The following DBNDD1 variants were observed in gnomAD, a reference collection of about 807,000 sequenced individuals.
DBNDD1 encodes dysbindin domain containing 1.
In DBNDD1, 14 loss-of-function variants were observed where a neutral mutation model predicts 17.0. The ratio of observed to expected loss-of-function variants is 0.82; its 90% CI spans 0.54 to 1.29. The LOEUF (loss-of-function observed/expected upper bound fraction) is 1.29. DBNDD1 is among the 50% of genes most tolerant of loss of function. The probability of loss-of-function intolerance (pLI) is 0.00; values close to 1 mark genes in which losing one functional copy is unlikely to be tolerated. For synonymous variants in DBNDD1, 105 were observed against 102.0 expected, an observed-to-expected ratio of 1.03 and a Z score of -0.18; for missense variants, 221 against 216.2, an observed-to-expected ratio of 1.02 and a Z score of -0.14.
At chr16:90,017,958 G>A (rs2035673073) in intron 1 of DBNDD1, among the ~76,000 whole-genome samples, 1 of 152,216 alleles carries the variant, frequency 6.6e-6, no homozygotes, top group Non-Finnish European at 1.5e-5. Flanking sequence ...AACTGAACCT[G>A]CTTTCTCTGC....
intron 1 of DBNDD1, chr16:90,009,790 C>T (rs1489683920): frequency 1.9e-5 from 14 of 736,152 alleles, no homozygotes; most frequent in East Asian, 5.5e-5. Context: ...ATTTCTAGCT[C>T]GGCCCAGGGT....
intron 1 of DBNDD1, 28 bp from the exon 2 acceptor site, chr16:90,009,458 G>C (rs2035510009): frequency 1.9e-6 from 3 of 1,605,264 alleles, no homozygotes; most frequent in Admixed American, 1.7e-5. Context: ...GTGTCACCTT[G>C]AGATCCACAG....
intron 1 of DBNDD1, 62 bp from the exon 2 acceptor site, chr16:90,009,492 C>T (rs779516567): frequency 6.3e-6 from 10 of 1,593,046 alleles, no homozygotes; most frequent in South Asian, 2.2e-5. Flanking sequence ...CCCCAGGACG[C>T]GGGGCTGGGT....
At chr16:90,010,541 T>A (rs1378995730) in intron 1 of DBNDD1, among the ~76,000 whole-genome samples, 1 of 150,230 alleles carries the variant, frequency 6.7e-6, no homozygotes, top group Non-Finnish European at 1.5e-5. Flanking sequence ...CTAATTTTTT[T>A]TTTTTTTTTT....
intron 3 of DBNDD1, 29 bp downstream of exon 3, chr16:90,008,755 T>TCCCAG (rs746127890): frequency 1.3e-5 from 20 of 1,580,904 alleles, no homozygotes; most frequent in Non-Finnish European, 1.7e-5. Context: ...CAGGCACACC[T>TCCCAG]CCCAGCCCAG....
intron 1 of DBNDD1, among the ~76,000 whole-genome samples, chr16:90,014,164 G>A (rs1469192933): frequency 6.6e-6 from 1 of 150,796 alleles, no homozygotes; most frequent in Non-Finnish European, 1.5e-5. Context: ...GTCTCGCTCT[G>A]TCACCAGGCT....
At chr16:90,018,893 G>C (rs2035703428) in intron 1 of DBNDD1, among the ~76,000 whole-genome samples, 1 of 152,186 alleles carries the variant, frequency 6.6e-6, no homozygotes, top group Admixed American at 6.5e-5. Context: ...CGGGACTCGC[G>C]GCTGGGCGAA....
At position 90,019,443 on chromosome 16, in the gene DBNDD1, C is replaced by G. The variant is rs1208178838; in HGVS notation, c.-102G>C. Reference sequence around the variant, plus strand: ...GACTCGGCCCCGGCTCCGGGCGCAGCGCATCGGGGCAGCAACCGGGGGGCC... The same window carrying G: ...GACTCGGCCCCGGCTCCGGGCGCAGGGCATCGGGGCAGCAACCGGGGGGCC... On this transcript the variant is annotated 5_prime_UTR_variant, in exon 1 of 4. Transcript: ENST00000002501. The surrounding 1 kb of genome is among the most constrained non-coding windows in gnomAD (Gnocchi z 6.1). 1 of 636,444 alleles carries G rather than the reference C, an allele frequency of 1.6e-6. No individual in the cohort carries two copies. The highest frequency in any genetic ancestry group is 2.1e-6 in the Non-Finnish European group (1 of 480,802). The allele number at this position is 636,444 out of a possible 1,614,324, so 39.4% of individuals were successfully genotyped here.
intron 1 of DBNDD1, among the ~76,000 whole-genome samples, chr16:90,010,940 C>CT (rs1471446159): frequency 1.3e-5 from 2 of 152,242 alleles, no homozygotes; most frequent in African/African-American, 4.8e-5. Context: ...TTCCTTCCCC[C>CT]CACCCATTGC....
Position 90,009,081 on chromosome 16 carries a change from GC to G in DBNDD1, c.179-158del, listed in dbSNP as rs2035499563. ...ACACCGGCAGGATCTGATGAGTGTT[GC>G]GTATACTCATGACTAGAAGGCTTTC... On this transcript the variant is annotated intron_variant, in intron 2 of 3. Coordinates refer to ENST00000002501, the MANE Select transcript of DBNDD1 (RefSeq NM_001042610.3). 4.2e-6 allele frequency: 5 copies of G among 1,195,888 alleles called. No homozygotes were observed. The South Asian group carries it at 6.4e-5, about 15-fold the overall frequency. The allele number at this position is 1,195,888 out of a possible 1,614,324, so 74.1% of individuals were successfully genotyped here.
chr16:90,014,368 G>A (rs1175655354), intron 1 of DBNDD1, among the ~76,000 whole-genome samples: 4 of 152,024 alleles, frequency 2.6e-5, no homozygotes, highest in East Asian at 3.9e-4. Flanking sequence ...CTCATGATCC[G>A]CCCGCCTTGG....
chr16:90,016,750 C>T (rs1481554327), intron 1 of DBNDD1, among the ~76,000 whole-genome samples: 2 of 152,206 alleles, frequency 1.3e-5, no homozygotes, highest in African/African-American at 2.4e-5. Context: ...AAACTTGGCC[C>T]AAATCCTGTT....
intron 3 of DBNDD1, chr16:90,007,665 G>A (rs554300978): frequency 2.6e-5 from 4 of 152,420 alleles, no homozygotes; most frequent in East Asian, 1.9e-4. Context: ...CCCACCTTTC[G>A]TTCTTGGCCC....
intron 1 of DBNDD1, chr16:90,011,627 T>A (rs1440841625): frequency 1.3e-5 from 6 of 454,584 alleles, no homozygotes; most frequent in Non-Finnish European, 2.7e-5. Flanking sequence ...CATGGCCCGT[T>A]TCAGGCCTGG....
At chr16:90,014,445 G>A (rs935078872) in intron 1 of DBNDD1, among the ~76,000 whole-genome samples, 8 of 152,030 alleles carry the variant, frequency 5.3e-5, no homozygotes, top group African/African-American at 9.7e-5. Flanking sequence ...TTTTTACGAC[G>A]AGGCCAGCAA....
chr16:90,006,161 C>T lies in DBNDD1; in HGVS notation c.*174G>A. ...TCCAAGTGAGGCGAAGACCCGTGCC[C>T]AGCAGACAAGGCCGGTCTCGGGGCT... On this transcript the variant is annotated 3_prime_UTR_variant, in exon 4 of 4. Transcript: ENST00000002501. 2 of 986,750 alleles carry T rather than the reference C, an allele frequency of 2.0e-6. No homozygotes were observed. Among genetic ancestry groups the T allele is most frequent in the South Asian group, 3.5e-5 (2 of 56,612 alleles). The allele number at this position is 986,750 out of a possible 1,614,324, so 61.1% of individuals were successfully genotyped here. A position where few individuals can be genotyped will look rare whatever the true frequency, so the allele number is the denominator to read the frequency against.
rs1254615393 is a variant in DBNDD1 at position 90,019,429 on chromosome 16, G to A, written c.-88C>T. On this transcript the variant is annotated 5_prime_UTR_variant, in exon 1 of 4. Transcript: ENST00000002501. The surrounding 1 kb of genome is among the most constrained non-coding windows in gnomAD (Gnocchi z 6.1). ...ACAGCTGCGGCAGCGACTCGGCCCCGGCTCCGGGCGCAGCGCATCGGGGCA... is the reference window on the plus strand; with the variant it reads ...ACAGCTGCGGCAGCGACTCGGCCCCAGCTCCGGGCGCAGCGCATCGGGGCA... The A allele has an allele frequency of 1.2e-6, 1 of 814,460 alleles. No individual in the cohort carries two copies. The allele number at this position is 814,460 out of a possible 1,614,324, so 50.5% of individuals were successfully genotyped here.
Position 90,019,263 on chromosome 16 carries a change from T to C in DBNDD1, c.31+48A>G. On this transcript the variant is annotated intron_variant, in intron 1 of 3. Transcript: ENST00000002501. This position sits in a 1 kb window ranked among gnomAD's most constrained non-coding sequence, Gnocchi z 6.1. ...CCTGGGGGGAGGGGCTGCGGCTCGC[T>C]GCGGGGAAGCGCTGCGCGGGGGTCT... 9.3e-7 allele frequency: 1 copy of C among 1,080,668 alleles called. No homozygotes were observed. Among genetic ancestry groups the C allele is most frequent in the Non-Finnish European group, 1.2e-6 (1 of 854,954 alleles). The allele number at this position is 1,080,668 out of a possible 1,614,324, so 66.9% of individuals were successfully genotyped here.
chr16:90,016,358 G>A (rs1329993613), intron 1 of DBNDD1, among the ~76,000 whole-genome samples: 2 of 152,188 alleles, frequency 1.3e-5, no homozygotes, highest in African/African-American at 2.4e-5. Flanking sequence ...ATTCCTCACG[G>A]GCGAGACCTG....
Sources: allele counts gnomAD v4.1 joint callset (sites outside exome capture counted in the v4.1 genomes callset), GRCh38; gene constraint gnomAD v4.1.1; non-coding constraint Gnocchi (gnomAD v3.1); transcripts MANE v1.5; gene names NCBI Gene and HGNC (gene_info 2026-07-23, HGNC 2026-07-21).